PTPRD: variants seen among roughly 807,000 people sequenced by gnomAD.
PTPRD encodes protein tyrosine phosphatase receptor type D, also known as receptor-type tyrosine-protein phosphatase delta.
PTPRD carries 34 observed loss-of-function variants against 214.5 expected under a neutral mutation model. That is an observed-to-expected ratio of 0.16 (90% CI 0.12 to 0.21). The LOEUF (loss-of-function observed/expected upper bound fraction) is 0.21. Ranked by LOEUF, PTPRD falls within the 10% of genes least tolerant of loss-of-function variation. The pLI is 1.00. For synonymous variants in PTPRD, 1,128 were observed against 845.7 expected, an observed-to-expected ratio of 1.33 and a Z score of -5.79; for missense variants, 2,545 against 2,398.7, an observed-to-expected ratio of 1.06 and a Z score of -1.27.
Position 8,340,431 on chromosome 9 carries a change from G to A in PTPRD, c.5165C>T (p.Ala1722Val), listed in dbSNP as rs2132362129. The change falls in exon 42 of 46, where the codon GCA (alanine) becomes GTA (valine). Residue 1722 changes from alanine to valine, a missense_variant. By Grantham distance (64) the Ala-to-Val change is moderately conservative. Coordinates refer to ENST00000381196, the MANE Select transcript of PTPRD (RefSeq NM_002839.4). ...CCGCCAGAAGTCTTCAGTGGTCTCT[G>A]CCAAGGGCCCCTGGGTAGCGATGTA... ...KAYIATQGPLAETTEDFWRML... is the reference protein window; with the variant it reads ...KAYIATQGPLVETTEDFWRML... 1 of 1,607,956 alleles carries A rather than the reference G, an allele frequency of 6.2e-7. No homozygotes were observed. Among genetic ancestry groups the A allele is most frequent in the Non-Finnish European group, 8.5e-7 (1 of 1,175,672 alleles).
intron 16 of PTPRD, among the ~76,000 whole-genome samples, chr9:8,527,023 G>GTA (rs1286973408): frequency 1.3e-5 from 2 of 151,454 alleles, no homozygotes; most frequent in Non-Finnish European, 2.9e-5. Context: ...ATCTATTTAA[G>GTA]TATATATATA....
intron 10 of PTPRD, among the ~76,000 whole-genome samples, chr9:9,147,990 A>G (rs901091652): frequency 1.3e-5 from 2 of 152,190 alleles, no homozygotes; most frequent in Non-Finnish European, 2.9e-5. Flanking sequence ...AACCACTATC[A>G]CCTGGAGGGC....
At chr9:9,384,795 A>G (rs1266802674) in intron 9 of PTPRD, among the ~76,000 whole-genome samples, 2 of 151,980 alleles carry the variant, frequency 1.3e-5, no homozygotes, top group Admixed American at 6.6e-5. Flanking sequence ...ATTTGTTTTC[A>G]GATTTTTAGT....
intron 5 of PTPRD, among the ~76,000 whole-genome samples, chr9:9,805,308 T>C (rs2099066051): frequency 6.6e-6 from 1 of 152,140 alleles, no homozygotes; most frequent in Non-Finnish European, 1.5e-5. Context: ...CAATAATGAT[T>C]TCATTATTAG....
intron 34 of PTPRD, among the ~76,000 whole-genome samples, chr9:8,445,740 G>A (rs972749818): frequency 1.3e-5 from 2 of 152,044 alleles, no homozygotes; most frequent in Non-Finnish European, 2.9e-5. Flanking sequence ...TGCAGCAATC[G>A]GTTAAGTCAC....
intron 32 of PTPRD, among the ~76,000 whole-genome samples, 188 bp from the exon 33 acceptor site, chr9:8,460,759 T>C (rs189039853): frequency 1.8e-3 from 268 of 152,106 alleles, no homozygotes; most frequent in Non-Finnish European, 2.9e-3. Flanking sequence ...TGTTTTGTAA[T>C]ACAAATTTCC....
At chr9:9,211,165 T>C (rs2099948318) in intron 9 of PTPRD, among the ~76,000 whole-genome samples, 1 of 152,054 alleles carries the variant, frequency 6.6e-6, no homozygotes, top group Non-Finnish European at 1.5e-5. Flanking sequence ...TACAGACCCA[T>C]CTATGTCTCT....
At chr9:9,154,233 A>G (rs1454229649) in intron 10 of PTPRD, among the ~76,000 whole-genome samples, 1 of 152,212 alleles carries the variant, frequency 6.6e-6, no homozygotes, top group African/African-American at 2.4e-5. Flanking sequence ...AAATATGTTT[A>G]TAGTAATAAG....
intron 5 of PTPRD, among the ~76,000 whole-genome samples, chr9:9,877,599 A>C (rs564110311): frequency 1.3e-5 from 2 of 152,106 alleles, no homozygotes; most frequent in South Asian, 4.1e-4. Flanking sequence ...TTGAAGGTAA[A>C]AAGAATTCTT....
At chr9:9,122,740 T>A (rs370423755) in intron 10 of PTPRD, among the ~76,000 whole-genome samples, 3 of 152,214 alleles carry the variant, frequency 2.0e-5, no homozygotes, top group African/African-American at 7.2e-5. Flanking sequence ...TTTACAGATA[T>A]GGACTATACC....
chr9:9,491,773 G>C (rs1384070087), intron 8 of PTPRD, among the ~76,000 whole-genome samples: 1 of 151,768 alleles, frequency 6.6e-6, no homozygotes, highest in African/African-American at 2.4e-5. Context: ...ATGTGATGCA[G>C]AAAAATTTAT....
At chr9:10,481,414 T>C (rs2099097093) in intron 2 of PTPRD, among the ~76,000 whole-genome samples, 1 of 152,160 alleles carries the variant, frequency 6.6e-6, no homozygotes, top group South Asian at 2.1e-4. Context: ...AAAAACATAT[T>C]CATAGATATC....
At chr9:10,376,828 T>C (rs2097737678) in intron 2 of PTPRD, among the ~76,000 whole-genome samples, 2 of 152,010 alleles carry the variant, frequency 1.3e-5, no homozygotes, top group African/African-American at 4.8e-5. Context: ...TTGATACAGA[T>C]ATGCAATGTG....
chr9:8,342,391 G>T (rs1051585763), intron 39 of PTPRD, among the ~76,000 whole-genome samples: 34 of 151,978 alleles, frequency 2.2e-4, no homozygotes, highest in African/African-American at 8.0e-4. Flanking sequence ...CTCTCAATCT[G>T]TTTTCGTCCC....
At chr9:10,198,157 T>C (rs1293229643) in intron 3 of PTPRD, among the ~76,000 whole-genome samples, 1 of 152,148 alleles carries the variant, frequency 6.6e-6, no homozygotes, top group Non-Finnish European at 1.5e-5. Flanking sequence ...TACCCATTGT[T>C]TTCCTTAAAA....
chr9:8,442,247 A>ATACCAGCCTGGGCAACAGAGGAAGACCCC (rs1319451693), intron 34 of PTPRD, among the ~76,000 whole-genome samples: 1 of 152,230 alleles, frequency 6.6e-6, no homozygotes, highest in African/African-American at 2.4e-5. Context: ...GCTTTTCAAA[A>ATACCAGCCTGGGCAACAGAGGAAGACCCC]GTCCTGCTCT....
chr9:8,551,677 T>G (rs1564276921), intron 14 of PTPRD, among the ~76,000 whole-genome samples: 1 of 152,212 alleles, frequency 6.6e-6, no homozygotes, highest in Non-Finnish European at 1.5e-5. Flanking sequence ...ATTAATTAGT[T>G]TTAACTGGAA....
At chr9:8,403,407 G>A (rs2092648908) in intron 36 of PTPRD, among the ~76,000 whole-genome samples, 1 of 152,184 alleles carries the variant, frequency 6.6e-6, no homozygotes, top group South Asian at 2.1e-4. Flanking sequence ...ACTAATGAGG[G>A]TGAACATGGC....
chr9:10,045,357 G>C (rs1358145390), intron 3 of PTPRD, among the ~76,000 whole-genome samples: 1 of 151,644 alleles, frequency 6.6e-6, no homozygotes, highest in African/African-American at 2.4e-5. Flanking sequence ...CATATAAATT[G>C]AAAGTCTTGG....
Sources: gnomAD v4.1 joint callset for allele counts (sites outside exome capture counted in the v4.1 genomes callset) on GRCh38, gnomAD v4.1.1 for gene constraint, MANE v1.5 for transcripts, NCBI Gene and HGNC (gene_info 2026-07-23, HGNC 2026-07-21) for gene names.